Variants in ATP7B observed in about 807,000 individuals in gnomAD.
The protein encoded by ATP7B is copper-transporting ATPase 2.
Under a neutral mutation model 118.9 loss-of-function variants are expected in ATP7B, and 113 were observed. That is an observed-to-expected ratio of 0.95 (90% confidence interval 0.82 to 1.11). The LOEUF is 1.11. Among genes scored for constraint, ATP7B ranks in the 50% most tolerant of loss-of-function variants. The pLI is 0.00. For synonymous variants in ATP7B, 777 were observed against 727.4 expected (o/e 1.07, Z -1.10); for missense variants, 1,867 against 1,871.4 (o/e 1.00, Z 0.04).
At chr13:51,981,040 A>G (rs1376580465) in intron 1 of ATP7B, among the ~76,000 whole-genome samples, 1 of 152,182 alleles carries the variant, frequency 6.6e-6, no homozygotes, top group Non-Finnish European at 1.5e-5. Context: ...TATATCCCTC[A>G]TGCTTAGGGC....
At position 51,949,661 on chromosome 13, in the gene ATP7B, C is replaced by T. The variant is rs587783306; in HGVS notation, c.2865+1G>A. 6 of 1,613,670 alleles carry T rather than the reference C, an allele frequency of 3.7e-6. No homozygotes were observed. Among genetic ancestry groups the T allele is most frequent in the South Asian group, 2.2e-5 (2 of 91,084 alleles). ...CATATAGCCCAAGGCATTCAACTTA[C>T]AGGAAAGTATCTCTGAACAACACCA... On this transcript the variant is annotated splice_donor_variant, in intron 12 of 20. Coordinates refer to ENST00000242839, the MANE Select transcript of ATP7B (RefSeq NM_000053.4). LOFTEE classifies it high-confidence loss of function.
At chr13:51,948,492 G>A (rs1040695461) in intron 12 of ATP7B, among the ~76,000 whole-genome samples, 2 of 152,128 alleles carry the variant, frequency 1.3e-5, no homozygotes, top group Admixed American at 6.5e-5. Context: ...ACATTGTTCC[G>A]CTCATTGTGC....
At chr13:51,965,077 G>A in intron 4 of ATP7B, 44 bp from the exon 5 acceptor site, 1 of 1,610,354 alleles carries the variant, frequency 6.2e-7, no homozygotes, top group South Asian at 1.1e-5. Context: ...CAGGATCAAG[G>A]AAAGCCTGTG....
chr13:51,959,189 TTAA>T (rs375969574), intron 7 of ATP7B: 3 of 155,708 alleles, frequency 1.9e-5, no homozygotes, highest in African/African-American at 7.2e-5. Context: ...GTTTGAATTG[TTAA>T]TAATAAGTGT....
At chr13:52,003,795 A>T (rs1477191614) in intron 1 of ATP7B, among the ~76,000 whole-genome samples, 1 of 152,208 alleles carries the variant, frequency 6.6e-6, no homozygotes, top group Non-Finnish European at 1.5e-5. Flanking sequence ...GCTCCAGCCA[A>T]CTGTTGTCAA....
intron 1 of ATP7B, 79 bp from the exon 2 acceptor site, chr13:51,975,247 A>C (rs749424106): frequency 6.4e-7 from 1 of 1,553,996 alleles, no homozygotes; most frequent in Non-Finnish European, 8.9e-7. Context: ...TGGCACTGAG[A>C]AAATGGAAAA....
chr13:52,011,453 C>G (rs965523214), upstream of ATP7B: 5 of 1,373,556 alleles, frequency 3.6e-6, no homozygotes, highest in Middle Eastern at 1.8e-4. Flanking sequence ...AGTGTGAGGG[C>G]ATCGGCGCGG....
At chr13:51,946,040 G>A (rs1957628928) in intron 13 of ATP7B, among the ~76,000 whole-genome samples, 1 of 152,220 alleles carries the variant, frequency 6.6e-6, no homozygotes, top group African/African-American at 2.4e-5. Flanking sequence ...AAATGGGAAT[G>A]ATAAGCACCT....
intron 1 of ATP7B, among the ~76,000 whole-genome samples, chr13:51,988,423 T>C (rs1952760584): frequency 6.6e-6 from 1 of 152,106 alleles, no homozygotes; most frequent in African/African-American, 2.4e-5. Context: ...CTGGAGAGGA[T>C]GTAGAGAAAT....
chr13:51,943,732 C>T (rs142720902), intron 14 of ATP7B, among the ~76,000 whole-genome samples: 145 of 152,208 alleles, frequency 9.5e-4, no homozygotes, highest in African/African-American at 3.4e-3. Flanking sequence ...TCCCTTCCAC[C>T]CCAGTACTCC....
chr13:51,937,279 C>G lies in ATP7B; in HGVS notation c.4018G>C (p.Ala1340Pro). Residue 1340 changes from alanine to proline, a missense_variant, in exon 19 of 21, where the codon GCA (alanine) becomes CCA (proline). Transcript: ENST00000242839. ...ACAGTGGGTAAGAGCTGCCTACCTG[C>G]TGCAATGGGTATCCCAACCAGGTTA... ...IYNLVGIPIA[A>P]GVFMPIGIVL... The G allele has an allele frequency of 6.2e-7, 1 of 1,613,772 alleles. No homozygotes were observed. The highest frequency in any genetic ancestry group is 8.5e-7 in the Non-Finnish European group (1 of 1,179,642).
At chr13:51,955,622 A>T (rs1958287375) in intron 9 of ATP7B, among the ~76,000 whole-genome samples, 1 of 152,176 alleles carries the variant, frequency 6.6e-6, no homozygotes, top group African/African-American at 2.4e-5. Context: ...AGTTCCAAGC[A>T]ACTGCAGTCA....
intron 1 of ATP7B, among the ~76,000 whole-genome samples, chr13:52,001,245 G>GC (rs1953478371): frequency 6.6e-6 from 1 of 152,040 alleles, no homozygotes; most frequent in Non-Finnish European, 1.5e-5. Flanking sequence ...TCTGCTCTTA[G>GC]CCCCTAAAGT....
At chr13:51,963,667 C>T (rs982104900) in intron 5 of ATP7B, among the ~76,000 whole-genome samples, 3 of 139,360 alleles carry the variant, frequency 2.2e-5, no homozygotes, top group East Asian at 4.6e-4. Flanking sequence ...TCCCAGGAGG[C>T]GGAGGTTGCA....
chr13:51,939,495 CTT>C (rs1233474991), intron 16 of ATP7B, among the ~76,000 whole-genome samples: 1 of 152,196 alleles, frequency 6.6e-6, no homozygotes, highest in African/African-American at 2.4e-5. Flanking sequence ...ACGTATGACA[CTT>C]TGCGAAGTGC....
chr13:52,010,772 A>G (rs759034786), intron 1 of ATP7B, among the ~76,000 whole-genome samples: 1 of 152,262 alleles, frequency 6.6e-6, no homozygotes, highest in Non-Finnish European at 1.5e-5. Flanking sequence ...GAATGAAGAC[A>G]TATGTACGTG....
chr13:51,976,986 A>G (rs560836690), intron 1 of ATP7B, among the ~76,000 whole-genome samples: 1 of 152,312 alleles, frequency 6.6e-6, no homozygotes, highest in East Asian at 1.9e-4. Flanking sequence ...AAATTTATAA[A>G]AAATAGTTTT....
Position 51,941,066 on chromosome 13 carries a change from A to T in ATP7B, c.3556+15T>A. ...ATTTCTGAGAGAGCGGAAGGAAGGC[A>T]GAAGCAGAAGATACCGTCAATAGCC... On this transcript the variant is annotated intron_variant, in intron 16 of 20. Coordinates refer to ENST00000242839, the MANE Select transcript of ATP7B (RefSeq NM_000053.4). 2.5e-6 allele frequency: 4 copies of T among 1,614,256 alleles called. No homozygotes were observed. The highest frequency in any genetic ancestry group is 3.4e-6 in the Non-Finnish European group (4 of 1,180,042).
rs1007908625 is a variant in ATP7B at position 51,944,408 on chromosome 13, C to T, written c.3061-117G>A. ...TCAGACAGGAAACAAGACACCTGCA[C>T]AGCTTCCTAACGTGATCCTCTGTCG... On this transcript the variant is annotated intron_variant, in intron 13 of 20. Coordinates refer to ENST00000242839, the MANE Select transcript of ATP7B (RefSeq NM_000053.4). 13 of 1,258,478 alleles carry T rather than the reference C, an allele frequency of 1.0e-5. No homozygotes were observed. In the African/African-American group the frequency reaches 1.8e-4, roughly 17 times the overall value. 78.0% of individuals were successfully genotyped at this position (1,258,478 alleles called of 1,614,324 possible).
Sources: gnomAD v4.1 joint callset for allele counts (sites outside exome capture counted in the v4.1 genomes callset) on GRCh38, gnomAD v4.1.1 for gene constraint, MANE v1.5 for transcripts, NCBI Gene and HGNC (gene_info 2026-07-23, HGNC 2026-07-21) for gene names.